Variants in RPS6KA1 observed in about 807,000 individuals in gnomAD.
RPS6KA1 encodes ribosomal protein S6 kinase alpha-1.
In RPS6KA1, 48 loss-of-function variants were observed where a neutral mutation model predicts 91.3. The observed-to-expected ratio is 0.53, with a 90% CI of 0.42 to 0.67. The LOEUF is 0.67. RPS6KA1 is among the 30% of genes least tolerant of loss of function. RPS6KA1 has a pLI of 0.00. For missense variants in RPS6KA1, 719 were observed against 960.5 expected, an observed-to-expected ratio of 0.75 and a Z score of 3.32; for synonymous variants, 359 against 384.7, an observed-to-expected ratio of 0.93 and a Z score of 0.78.
At position 26,571,784 on chromosome 1, in the gene RPS6KA1, G is replaced by A; in HGVS notation, c.1753-65G>A. The A allele has an allele frequency of 6.5e-7, 1 of 1,540,560 alleles. No individual in the cohort carries two copies. Among genetic ancestry groups the A allele is most frequent in the Non-Finnish European group, 8.8e-7 (1 of 1,133,522 alleles). On this transcript the variant is annotated intron_variant, in intron 18 of 21. Transcript: ENST00000374168. This position sits in a 1 kb window ranked among gnomAD's most constrained non-coding sequence, Gnocchi z 5.1. ...TGTCCTGCCCTTGAGGGGAGTAGCA[G>A]GAAACATCTGTGGCGACTTTCTACT...
Position 26,551,034 on chromosome 1 carries a change from G to T in RPS6KA1, c.308-363G>T, listed in dbSNP as rs1174517988. Among the ~76,000 whole-genome samples, 1 of 152,136 alleles carries T rather than the reference G, an allele frequency of 6.6e-6. No homozygotes were observed. The highest frequency in any genetic ancestry group is 1.5e-5 in the Non-Finnish European group (1 of 68,022). ...TGGTGAAGGCATGCCAGGGGGAGGT[G>T]CAGAGGCAAAGTCTGAGGATCTGAC... On this transcript the variant is annotated intron_variant, in intron 4 of 21. Coordinates refer to ENST00000374168, the MANE Select transcript of RPS6KA1 (RefSeq NM_002953.4). This position sits in a 1 kb window ranked among gnomAD's most constrained non-coding sequence, Gnocchi z 4.5.
At chr1:26,560,952 G>T (rs905241330) in intron 15 of RPS6KA1, 93 bp from the exon 16 acceptor site, 1 of 1,602,122 alleles carries the variant, frequency 6.2e-7, no homozygotes, top group Non-Finnish European at 8.5e-7. Flanking sequence ...TGTATGAAAG[G>T]TGTGTGGCCG....
rs188885114 is a variant in RPS6KA1, at chr1:26,547,895, C to T, written c.307+625C>T. ...TCTCTTTAAATAAGTCAAGGCCGGG[C>T]GCGGTGGCTCACACCTGTAATCCCA... On this transcript the variant is annotated intron_variant, in intron 4 of 21. Transcript: ENST00000374168. This position sits in a 1 kb window ranked among gnomAD's most constrained non-coding sequence, Gnocchi z 4.1. Among the ~76,000 whole-genome samples, 12 of 152,268 alleles carry T rather than the reference C, an allele frequency of 7.9e-5. No homozygotes were observed. The highest frequency in any genetic ancestry group is 1.9e-4 in the African/African-American group (8 of 41,536).
chr1:26,537,230 C>T lies in RPS6KA1; in HGVS notation c.108+261C>T, dbSNP rs1002140062. Among the ~76,000 whole-genome samples the T allele has an allele frequency of 5.3e-5, 8 of 152,334 alleles. 1 individual carries two copies. The highest frequency in any genetic ancestry group is 1.9e-4 in the African/African-American group (8 of 41,590). On this transcript the variant is annotated intron_variant, in intron 2 of 21. Transcript: ENST00000374168. ...GGCTCTGGTTACCTGTCACCCAGGC[C>T]AGGATGCCCCTGCAGTTTATTTACT...
chr1:26,555,129 A>T lies in RPS6KA1; in HGVS notation c.757-22A>T, dbSNP rs1369557516. The T allele has an allele frequency of 6.2e-7, 1 of 1,612,146 alleles. No homozygotes were observed. The highest frequency in any genetic ancestry group is 1.1e-5 in the South Asian group (1 of 91,038). ...TGTCGGAGACAGGGATCAGAGCCTG[A>T]ATAGATCCTTGTCCTCTGCAGTTTG... is the stretch of plus-strand genomic sequence containing the variant. On this transcript the variant is annotated intron_variant, in intron 9 of 21. Coordinates refer to ENST00000374168, the MANE Select transcript of RPS6KA1 (RefSeq NM_002953.4). The surrounding 1 kb of genome is among the most constrained non-coding windows in gnomAD (Gnocchi z 4.3).
intron 1 of RPS6KA1, among the ~76,000 whole-genome samples, chr1:26,535,049 G>T (rs558234459): frequency 3.3e-5 from 5 of 151,970 alleles, no homozygotes; most frequent in Non-Finnish European, 5.9e-5. Context: ...TGGGTAGGCT[G>T]TTCTGATCAT....
At chr1:26,543,185 C>G (rs1052419384) in intron 2 of RPS6KA1, 1 of 1,535,588 alleles carries the variant, frequency 6.5e-7, no homozygotes, top group African/African-American at 1.4e-5. Context: ...CAGATTTCCC[C>G]AGGGTTGAGA....
At chr1:26,570,992 G>A (rs754783129) in intron 17 of RPS6KA1, among the ~76,000 whole-genome samples, 8 of 146,698 alleles carry the variant, frequency 5.5e-5, no homozygotes, top group Admixed American at 1.4e-4. Context: ...CCATGGCGGC[G>A]GGTGCCTGTA....
chr1:26,557,860 G>A (rs1191280359), intron 13 of RPS6KA1, among the ~76,000 whole-genome samples: 5 of 142,016 alleles, frequency 3.5e-5, no homozygotes, highest in East Asian at 2.1e-4. Flanking sequence ...ATGGAGTCTC[G>A]CTCTGTTGCC....
At position 26,554,422 on chromosome 1, in the gene RPS6KA1, C is replaced by A; in HGVS notation, c.613+171C>A. ...GGAACACCCTCAGCTGGAATCCCAG[C>A]CCCTCATTGTGTAACGTTGAGCAAG... is the stretch of plus-strand genomic sequence containing the variant. On this transcript the variant is annotated intron_variant, in intron 8 of 21. Transcript: ENST00000374168. The surrounding 1 kb of genome is among the most constrained non-coding windows in gnomAD (Gnocchi z 4.6). 1 of 1,117,426 alleles carries A rather than the reference C, an allele frequency of 8.9e-7. No individual in the cohort carries two copies. The highest frequency in any genetic ancestry group is 1.3e-6 in the Non-Finnish European group (1 of 771,832). 69.2% of individuals were successfully genotyped at this position (1,117,426 alleles called of 1,614,324 possible). A position where few individuals can be genotyped will look rare whatever the true frequency, so the allele number is the denominator to read the frequency against.
chr1:26,573,550 C>T (rs1034552428), intron 21 of RPS6KA1, among the ~76,000 whole-genome samples, 189 bp downstream of exon 21: 3 of 152,184 alleles, frequency 2.0e-5, no homozygotes, highest in Non-Finnish European at 4.4e-5. Flanking sequence ...CTCACAGCCC[C>T]CAATCCTCTG....
intron 14 of RPS6KA1, 28 bp from the exon 15 acceptor site, chr1:26,560,698 G>A (rs2076146063): frequency 1.2e-6 from 2 of 1,614,034 alleles, no homozygotes; most frequent in South Asian, 2.2e-5. Context: ...AGAGCCAGGG[G>A]TCAGCCACAA....
chr1:26,554,314 C>G lies in RPS6KA1; in HGVS notation c.613+63C>G. On this transcript the variant is annotated intron_variant, in intron 8 of 21. Coordinates refer to ENST00000374168, the MANE Select transcript of RPS6KA1 (RefSeq NM_002953.4). This position sits in a 1 kb window ranked among gnomAD's most constrained non-coding sequence, Gnocchi z 4.6. ...AGGACAGGACAAGGTCATGATAGGT[C>G]TCGGCTGAGTGCTGGGGGCTCATTC... The G allele has an allele frequency of 1.3e-6, 2 of 1,496,540 alleles. No individual in the cohort carries two copies. The highest frequency in any genetic ancestry group is 9.1e-7 in the Non-Finnish European group (1 of 1,100,618). 92.7% of individuals were successfully genotyped at this position (1,496,540 alleles called of 1,614,324 possible).
At chr1:26,530,403 C>T (rs1195315906) in intron 1 of RPS6KA1, among the ~76,000 whole-genome samples, 1 of 152,214 alleles carries the variant, frequency 6.6e-6, no homozygotes, top group African/African-American at 2.4e-5. Flanking sequence ...CAAGAGCTCC[C>T]TGCTTCTGGC....
In RPS6KA1 at chr1:26,540,174, T is replaced by C. The variant is rs1425891742; in HGVS notation, c.108+3205T>C. ...TAAGACTAAGTAAACCTGGGAGAAG[T>C]TCTGTTTCCAACATCCCCTTGTCTC... is the stretch of plus-strand genomic sequence containing the variant. On this transcript the variant is annotated intron_variant, in intron 2 of 21. Coordinates refer to ENST00000374168, the MANE Select transcript of RPS6KA1 (RefSeq NM_002953.4). This position sits in a 1 kb window ranked among gnomAD's most constrained non-coding sequence, Gnocchi z 4.2. Among the ~76,000 whole-genome samples, 2 of 152,174 alleles carry C rather than the reference T, an allele frequency of 1.3e-5. No homozygotes were observed. The highest frequency in any genetic ancestry group is 2.9e-5 in the Non-Finnish European group (2 of 68,024).
At chr1:26,543,819 G>A (rs1056613585) in intron 2 of RPS6KA1, among the ~76,000 whole-genome samples, 2 of 152,154 alleles carry the variant, frequency 1.3e-5, no homozygotes, top group African/African-American at 4.8e-5. Flanking sequence ...GTGAGTCACT[G>A]TCTTCTGGGC....
At chr1:26,548,364 G>A (rs952036307) in intron 4 of RPS6KA1, among the ~76,000 whole-genome samples, 1 of 152,122 alleles carries the variant, frequency 6.6e-6, no homozygotes, top group Non-Finnish European at 1.5e-5. Flanking sequence ...TGTAGAGGGT[G>A]GGCCCAGAGG....
rs562726344 is a variant in RPS6KA1, at chr1:26,551,526, C to G, written c.388+49C>G. ...GCTCCTACCCCACCCATCCTTCGCC[C>G]TTGCCTGTGGTCTGTACACTGTCCC... On this transcript the variant is annotated intron_variant, in intron 5 of 21. Coordinates refer to ENST00000374168, the MANE Select transcript of RPS6KA1 (RefSeq NM_002953.4). This position sits in a 1 kb window ranked among gnomAD's most constrained non-coding sequence, Gnocchi z 4.5. The G allele has an allele frequency of 6.2e-7, 1 of 1,606,788 alleles. No homozygotes were observed. The highest frequency in any genetic ancestry group is 1.3e-5 in the African/African-American group (1 of 74,770).
chr1:26,536,542 C>T (rs1353246368), intron 1 of RPS6KA1, among the ~76,000 whole-genome samples: 1 of 152,210 alleles, frequency 6.6e-6, no homozygotes, highest in Admixed American at 6.5e-5. Context: ...GAAACTGAGT[C>T]CTCTCACAGT....
Sources: allele counts gnomAD v4.1 joint callset (sites outside exome capture counted in the v4.1 genomes callset), GRCh38; gene constraint gnomAD v4.1.1; non-coding constraint Gnocchi (gnomAD v3.1); transcripts MANE v1.5; gene names NCBI Gene and HGNC (gene_info 2026-07-23, HGNC 2026-07-21).